The following GNA13 variants were observed in gnomAD, a reference collection of about 807,000 sequenced individuals.
GNA13 encodes G protein subunit alpha 13, also known as guanine nucleotide-binding protein subunit alpha-13.
Under a neutral mutation model 33.5 loss-of-function variants are expected in GNA13, and 4 were observed. That is an observed-to-expected ratio of 0.12 (90% CI 0.06 to 0.27). The LOEUF (loss-of-function observed/expected upper bound fraction) is 0.27, where lower values mean the gene tolerates loss of function less well. Among genes scored for constraint, GNA13 ranks in the 10% least tolerant of loss-of-function variants. The pLI is 1.00. For synonymous variants in GNA13, 176 were observed against 183.8 expected (o/e 0.96, Z 0.34); for missense variants, 319 against 487.2 (o/e 0.65, Z 3.25).
At chr17:65,054,744 A>T (rs1401859813) in intron 1 of GNA13, among the ~76,000 whole-genome samples, 1 of 152,240 alleles carries the variant, frequency 6.6e-6, no homozygotes, top group Non-Finnish European at 1.5e-5. Flanking sequence ...CGAGGTGTTT[A>T]CCAGGCTCAC....
At position 65,014,365 on chromosome 17, in the gene GNA13, T is replaced by C. The variant is rs764938914; in HGVS notation, c.1026A>G (p.Leu342=). ...NKRRDQQQKP[L]YHHFTTAINT... ...TGATAGCAGTGGTGAAGTGGTGGTA[T>C]AAGGGCTTCTGTTGCTGGTCCCGGC... Residue 342 remains leucine (L), a synonymous_variant, in exon 4 of 4, where the codon TTA becomes TTG. Transcript: ENST00000439174. The surrounding 1 kb of genome is among the most constrained non-coding windows in gnomAD (Gnocchi z 5.3). 6.2e-6 allele frequency: 10 copies of C among 1,613,866 alleles called. No homozygotes were observed. Among genetic ancestry groups the C allele is most frequent in the Middle Eastern group, 1.6e-4 (1 of 6,084 alleles).
chr17:65,048,377 G>T (rs147635669), intron 2 of GNA13, among the ~76,000 whole-genome samples: 134 of 152,194 alleles, frequency 8.8e-4, no homozygotes, highest in African/African-American at 3.1e-3. Flanking sequence ...ACATAAGAAG[G>T]TTTTCTAAAG....
chr17:65,027,100 G>A (rs1460980710), intron 2 of GNA13, among the ~76,000 whole-genome samples: 1 of 152,010 alleles, frequency 6.6e-6, no homozygotes, highest in Non-Finnish European at 1.5e-5. Context: ...ATATTCTTAA[G>A]GCTCACTACT....
At chr17:65,026,395 A>T (rs1906785491) in intron 2 of GNA13, among the ~76,000 whole-genome samples, 1 of 152,224 alleles carries the variant, frequency 6.6e-6, no homozygotes. Context: ...TATATCAGGA[A>T]GCCATGACTA....
At chr17:65,034,790 A>C (rs1367648900) in intron 2 of GNA13, among the ~76,000 whole-genome samples, 1 of 152,022 alleles carries the variant, frequency 6.6e-6, no homozygotes, top group African/African-American at 2.4e-5. Context: ...TATTTATTTT[A>C]TTTTATTTTT....
intron 2 of GNA13, among the ~76,000 whole-genome samples, chr17:65,049,672 C>T (rs1907793135): frequency 6.6e-6 from 1 of 152,182 alleles, no homozygotes; most frequent in East Asian, 1.9e-4. Context: ...TAAAGAGACA[C>T]AGCCCCTAAG....
At chr17:65,022,924 A>G (rs2143781203) in intron 2 of GNA13, among the ~76,000 whole-genome samples, 1 of 152,346 alleles carries the variant, frequency 6.6e-6, no homozygotes, top group East Asian at 1.9e-4. Context: ...TCAACTGTCA[A>G]TTAAGAAACA....
At chr17:65,041,405 G>C (rs1185518731) in intron 2 of GNA13, among the ~76,000 whole-genome samples, 1 of 151,810 alleles carries the variant, frequency 6.6e-6, no homozygotes, top group South Asian at 2.1e-4. Context: ...TGCTAATTTT[G>C]CTCCATGAGA....
chr17:65,056,239 G>GCCCGGGCCCCCA, intron 1 of GNA13, 72 bp downstream of exon 1: 1 of 936,172 alleles, frequency 1.1e-6, no homozygotes, highest in Non-Finnish European at 1.6e-6. Flanking sequence ...CCAGGGCGGT[G>GCCCGGGCCCCCA]CCCCGCCCCG....
chr17:65,025,179 T>A (rs1396933494), intron 2 of GNA13, among the ~76,000 whole-genome samples: 1 of 152,170 alleles, frequency 6.6e-6, no homozygotes, highest in East Asian at 1.9e-4. Context: ...ATTACAAGCA[T>A]GAGCCACTAC....
chr17:65,050,546 T>C (rs549059771), intron 2 of GNA13, among the ~76,000 whole-genome samples: 11 of 152,268 alleles, frequency 7.2e-5, no homozygotes, highest in Admixed American at 2.6e-4. Context: ...ACTGGCAACA[T>C]AGCAAGACTC....
chr17:65,042,846 A>G (rs564752491), intron 2 of GNA13, among the ~76,000 whole-genome samples: 1 of 152,374 alleles, frequency 6.6e-6, no homozygotes, highest in Admixed American at 6.5e-5. Flanking sequence ...ATTCTACATT[A>G]TTCAGAATTT....
intron 2 of GNA13, among the ~76,000 whole-genome samples, chr17:65,045,699 C>T (rs571778025): frequency 3.9e-5 from 6 of 152,090 alleles, no homozygotes; most frequent in Non-Finnish European, 5.9e-5. Flanking sequence ...TCACTTATAT[C>T]GTTACTATAA....
At chr17:65,022,490 A>G (rs933653757) in intron 2 of GNA13, among the ~76,000 whole-genome samples, 2 of 152,322 alleles carry the variant, frequency 1.3e-5, no homozygotes, top group East Asian at 1.9e-4. Context: ...TAGGATGTAA[A>G]TAATTTTGCT....
chr17:65,022,682 C>T (rs1003948117), intron 2 of GNA13, among the ~76,000 whole-genome samples: 22 of 152,198 alleles, frequency 1.4e-4, no homozygotes, highest in Non-Finnish European at 5.9e-5. Flanking sequence ...TAGCTTATCA[C>T]TGCAGAATTT....
rs1001695741 is a variant in GNA13, at chr17:65,014,566, G to A, written c.825C>T (p.Ile275=). The change falls in exon 4 of 4, where the codon ATC becomes ATT. Residue 275 remains isoleucine, a synonymous_variant. Transcript: ENST00000439174. The surrounding 1 kb of genome is among the most constrained non-coding windows in gnomAD (Gnocchi z 5.3). The part of the protein sequence containing the change: ...LTESLNIFET[I]VNNRVFSNVS... ...CATTGCTGAAAACCCGGTTATTGAC[G>A]ATTGTTTCAAAAATGTTCAGAGACT... The A allele has an allele frequency of 5.6e-6, 9 of 1,614,030 alleles. No homozygotes were observed. Among genetic ancestry groups the A allele is most frequent in the Non-Finnish European group, 5.9e-6 (7 of 1,179,900 alleles).
At chr17:65,032,078 T>C (rs1598488470) in intron 2 of GNA13, among the ~76,000 whole-genome samples, 1 of 152,234 alleles carries the variant, frequency 6.6e-6, no homozygotes, top group African/African-American at 2.4e-5. Flanking sequence ...ATTGTAACAG[T>C]AGGCTTATAA....
chr17:65,018,913 T>A (rs562769316), intron 2 of GNA13, among the ~76,000 whole-genome samples: 1 of 152,174 alleles, frequency 6.6e-6, no homozygotes, highest in South Asian at 2.1e-4. Flanking sequence ...ATTTCAAACA[T>A]CTAAACTGTA....
intron 2 of GNA13, among the ~76,000 whole-genome samples, chr17:65,025,074 T>C (rs777374030): frequency 2.6e-5 from 4 of 152,090 alleles, no homozygotes; most frequent in Non-Finnish European, 5.9e-5. Flanking sequence ...TTGTTTGTAT[T>C]TTTAGTAGAG....
Sources: allele counts gnomAD v4.1 joint callset (sites outside exome capture counted in the v4.1 genomes callset), GRCh38; gene constraint gnomAD v4.1.1; non-coding constraint Gnocchi (gnomAD v3.1); transcripts MANE v1.5; gene names NCBI Gene and HGNC (gene_info 2026-07-23, HGNC 2026-07-21).